SLC24A3: variants seen among roughly 807,000 people sequenced by gnomAD.
The protein encoded by SLC24A3 is solute carrier family 24 member 3.
SLC24A3 carries 28 observed loss-of-function variants against 75.8 expected under a neutral mutation model. The observed-to-expected ratio is 0.37, with a 90% confidence interval of 0.27 to 0.51. The LOEUF (loss-of-function observed/expected upper bound fraction) is 0.51. Among genes scored for constraint, SLC24A3 ranks in the 20% least tolerant of loss-of-function variants. The pLI is 0.94. For missense variants in SLC24A3, 663 were observed against 847.8 expected, an observed-to-expected ratio of 0.78 and a Z score of 2.71; for synonymous variants, 372 against 334.1, an observed-to-expected ratio of 1.11 and a Z score of -1.24.
intron 2 of SLC24A3, among the ~76,000 whole-genome samples, chr20:19,514,077 C>G (rs2029936312): frequency 6.6e-6 from 1 of 152,224 alleles, no homozygotes; most frequent in Non-Finnish European, 1.5e-5. Context: ...CAACCCAATA[C>G]CTGCACAATG....
intron 6 of SLC24A3, among the ~76,000 whole-genome samples, chr20:19,641,548 G>A (rs923565624): frequency 6.6e-6 from 1 of 152,150 alleles, no homozygotes; most frequent in African/African-American, 2.4e-5. Context: ...TCATCCACAC[G>A]GATGGGGCTT....
At chr20:19,540,743 C>T (rs1422014119) in intron 3 of SLC24A3, among the ~76,000 whole-genome samples, 1 of 152,156 alleles carries the variant, frequency 6.6e-6, no homozygotes, top group African/African-American at 2.4e-5. Flanking sequence ...TGCTTTATTT[C>T]CAAAATTATT....
intron 2 of SLC24A3, among the ~76,000 whole-genome samples, chr20:19,476,688 T>C (rs976987067): frequency 1.3e-5 from 2 of 152,180 alleles, no homozygotes; most frequent in African/African-American, 4.8e-5. Context: ...TGCTTGAAGA[T>C]GGTTGCTTCA....
intron 9 of SLC24A3, among the ~76,000 whole-genome samples, chr20:19,679,022 G>C (rs1343797246): frequency 2.6e-4 from 40 of 151,592 alleles, no homozygotes; most frequent in African/African-American, 9.7e-4. Flanking sequence ...TTCCAGACTG[G>C]GCAGCCAGGC....
chr20:19,473,703 C>T (rs745612431), intron 2 of SLC24A3, among the ~76,000 whole-genome samples: 1 of 152,232 alleles, frequency 6.6e-6, no homozygotes, highest in East Asian at 1.9e-4. Context: ...TCATACCAGA[C>T]TCTCTCAGGG....
intron 7 of SLC24A3, among the ~76,000 whole-genome samples, chr20:19,658,858 G>C (rs1259916608): frequency 6.6e-6 from 1 of 152,162 alleles, no homozygotes; most frequent in Admixed American, 6.5e-5. Context: ...TCTGCCCCCA[G>C]TGAGCACTTC....
At chr20:19,307,970 T>A (rs966138253) in intron 2 of SLC24A3, among the ~76,000 whole-genome samples, 2 of 152,168 alleles carry the variant, frequency 1.3e-5, no homozygotes, top group South Asian at 4.1e-4. Context: ...GCCTCATATT[T>A]ATGGAAACAA....
In SLC24A3 at chr20:19,310,392, G is replaced by A. The variant is rs151103447; in HGVS notation, c.271+29305G>A. Among the ~76,000 whole-genome samples, 288 of 152,314 alleles carry A rather than the reference G, an allele frequency of 1.9e-3. 2 individuals carry two copies. The highest frequency in any genetic ancestry group is 6.8e-3 in the African/African-American group (281 of 41,566). On this transcript the variant is annotated intron_variant, in intron 2 of 16. Transcript: ENST00000328041. ...AGACTTGGACAAGTGCTGAGCTAGT[G>A]TATGTTCAGTAAATATTAATTTTCT... is the stretch of plus-strand genomic sequence containing the variant.
At chr20:19,407,418 C>T (rs1986668018) in intron 2 of SLC24A3, among the ~76,000 whole-genome samples, 1 of 152,202 alleles carries the variant, frequency 6.6e-6, no homozygotes, top group Admixed American at 6.5e-5. Context: ...GATGCTGCAG[C>T]TCCTGCTGCT....
chr20:19,631,313 C>T (rs2031930309), intron 6 of SLC24A3, among the ~76,000 whole-genome samples: 1 of 152,216 alleles, frequency 6.6e-6, no homozygotes, highest in Admixed American at 6.5e-5. Flanking sequence ...CACCGCTGTG[C>T]TCCAGCCTGG....
intron 2 of SLC24A3, among the ~76,000 whole-genome samples, chr20:19,504,920 G>A (rs1230571612): frequency 6.6e-6 from 1 of 152,182 alleles, no homozygotes; most frequent in Non-Finnish European, 1.5e-5. Context: ...TTTGTGGCCT[G>A]GGAAAACTAC....
chr20:19,676,457 A>C (rs1301266499), intron 9 of SLC24A3, among the ~76,000 whole-genome samples: 1 of 152,120 alleles, frequency 6.6e-6, no homozygotes, highest in Non-Finnish European at 1.5e-5. Context: ...CTAAATTGAA[A>C]TCTCTGCTCT....
chr20:19,262,834 G>A (rs1296629356), intron 1 of SLC24A3, among the ~76,000 whole-genome samples: 1 of 151,988 alleles, frequency 6.6e-6, no homozygotes, highest in Non-Finnish European at 1.5e-5. Context: ...AACTTCAGCA[G>A]TGTCTACCCT....
chr20:19,215,956 A>G (rs1437885273), intron 1 of SLC24A3, among the ~76,000 whole-genome samples: 2 of 152,240 alleles, frequency 1.3e-5, no homozygotes, highest in African/African-American at 4.8e-5. Flanking sequence ...AGAAATTCTA[A>G]CAACAAAAGC....
At chr20:19,219,332 G>A (rs1981646350) in intron 1 of SLC24A3, among the ~76,000 whole-genome samples, 1 of 152,124 alleles carries the variant, frequency 6.6e-6, no homozygotes, top group African/African-American at 2.4e-5. Flanking sequence ...GATCCCTTGA[G>A]GGAGTTCCTG....
At chr20:19,245,019 A>T (rs1041143887) in intron 1 of SLC24A3, among the ~76,000 whole-genome samples, 7 of 152,266 alleles carry the variant, frequency 4.6e-5, no homozygotes, top group Admixed American at 6.5e-5. Context: ...TGGATCTGTG[A>T]CCCTGCCATG....
chr20:19,512,847 T>G (rs1413225395), intron 2 of SLC24A3, among the ~76,000 whole-genome samples: 1 of 152,216 alleles, frequency 6.6e-6, no homozygotes, highest in African/African-American at 2.4e-5. Context: ...GGATGCCACA[T>G]ACCTGTACCC....
In SLC24A3 at chr20:19,319,133, G is replaced by C. The variant is rs544927277; in HGVS notation, c.271+38046G>C. ...TCTAAACTTTACAATTGGTTTGCCA[G>C]GGTGAGGCTCTGTTTCCTTTAGGGA... On this transcript the variant is annotated intron_variant, in intron 2 of 16. Coordinates refer to ENST00000328041, the MANE Select transcript of SLC24A3 (RefSeq NM_020689.4). Among the ~76,000 whole-genome samples the C allele has an allele frequency of 7.9e-4, 121 of 152,274 alleles. 1 individual carries two copies. The highest frequency in any genetic ancestry group is 2.8e-3 in the African/African-American group (118 of 41,546).
At chr20:19,380,009 A>T (rs1986154311) in intron 2 of SLC24A3, among the ~76,000 whole-genome samples, 3 of 152,230 alleles carry the variant, frequency 2.0e-5, no homozygotes, top group African/African-American at 7.2e-5. Flanking sequence ...CTTGGGAATA[A>T]ACAGTGAACA....
Sources: gnomAD v4.1 joint callset for allele counts (sites outside exome capture counted in the v4.1 genomes callset) on GRCh38, gnomAD v4.1.1 for gene constraint, MANE v1.5 for transcripts, NCBI Gene and HGNC (gene_info 2026-07-23, HGNC 2026-07-21) for gene names.